Variants in C8B observed in about 807,000 individuals in gnomAD.
C8B encodes the protein complement C8 beta chain.
A neutral mutation model predicts 64.6 loss-of-function variants in C8B; 67 were observed. The ratio of observed to expected loss-of-function variants is 1.04; its 90% CI spans 0.85 to 1.27. C8B has a LOEUF of 1.27. Among genes scored for constraint, C8B ranks in the 50% most tolerant of loss-of-function variants. The pLI is 0.00. For missense variants in C8B, 790 were observed against 725.2 expected (o/e 1.09, Z -1.03); for synonymous variants, 284 against 257.7 (o/e 1.10, Z -0.98).
At chr1:56,947,184 C>A (rs1244644032) in intron 6 of C8B, among the ~76,000 whole-genome samples, 1 of 152,190 alleles carries the variant, frequency 6.6e-6, no homozygotes, top group African/African-American at 2.4e-5. Context: ...TGACCATGCT[C>A]CTCTTGGCTT....
At chr1:56,938,937 C>T (rs1040084921) in intron 9 of C8B, among the ~76,000 whole-genome samples, 2 of 152,062 alleles carry the variant, frequency 1.3e-5, no homozygotes, top group Non-Finnish European at 2.9e-5. Flanking sequence ...GTGTATATTT[C>T]CAACTCAGGG....
chr1:56,941,596 G>C (rs1422992435), intron 8 of C8B, among the ~76,000 whole-genome samples: 1 of 152,186 alleles, frequency 6.6e-6, no homozygotes, highest in Non-Finnish European at 1.5e-5. Context: ...TAGATAGAGA[G>C]AGAGATAGAC....
At chr1:56,951,382 G>A (rs1489692494) in intron 5 of C8B, among the ~76,000 whole-genome samples, 1 of 152,192 alleles carries the variant, frequency 6.6e-6, no homozygotes, top group Non-Finnish European at 1.5e-5. Flanking sequence ...CTGTGGCAGA[G>A]CCAGTCCTGG....
intron 5 of C8B, among the ~76,000 whole-genome samples, chr1:56,950,774 C>T (rs116022276): frequency 0.029 from 4,409 of 152,268 alleles, 194 homozygotes; most frequent in African/African-American, 0.1. Flanking sequence ...TTTCATCAGG[C>T]TTGTTCTGAG....
rs754054168 is a variant in C8B, at chr1:56,954,835, G to A, written c.392-8C>T. 3.7e-6 allele frequency: 6 copies of A among 1,614,006 alleles called. No individual in the cohort carries two copies. The highest frequency in any genetic ancestry group is 1.1e-5 in the South Asian group (1 of 91,088). On this transcript the variant is annotated splice_polypyrimidine_tract_variant and splice_region_variant and intron_variant, in intron 3 of 11. Coordinates refer to ENST00000371237, the MANE Select transcript of C8B (RefSeq NM_000066.4). ...TGCGGTTTACACACCTTCCTAGAAT[G>A]GAGAAAGAGTATTACCCACAGCCAC...
intron 8 of C8B, among the ~76,000 whole-genome samples, chr1:56,941,554 TAGAC>T (rs1350114600): frequency 6.7e-6 from 1 of 149,394 alleles, no homozygotes; most frequent in South Asian, 2.2e-4. Context: ...AGATAGATAA[TAGAC>T]AGACAGACAC....
At chr1:56,961,676 A>G (rs1465095179) in intron 1 of C8B, among the ~76,000 whole-genome samples, 3 of 152,182 alleles carry the variant, frequency 2.0e-5, no homozygotes, top group Admixed American at 2.0e-4. Flanking sequence ...AGTTTTCACC[A>G]TCTCATATAC....
intron 10 of C8B, among the ~76,000 whole-genome samples, chr1:56,932,711 T>C (rs975665108): frequency 3.3e-5 from 5 of 152,210 alleles, no homozygotes; most frequent in South Asian, 2.1e-4. Context: ...GGACCCTTTC[T>C]GCCTGAGAAT....
intron 11 of C8B, among the ~76,000 whole-genome samples, chr1:56,930,280 C>G (rs775457743): frequency 1.4e-4 from 21 of 152,314 alleles, no homozygotes; most frequent in Non-Finnish European, 1.3e-4. Context: ...TGACACTTGG[C>G]TTTCACTTGA....
In C8B at chr1:56,945,851, C is replaced by A; in HGVS notation, c.1075G>T (p.Val359Phe). 6.2e-7 allele frequency: 1 copy of A among 1,614,076 alleles called. No homozygotes were observed. The highest frequency in any genetic ancestry group is 1.3e-5 in the African/African-American group (1 of 75,018). ...VLGGIYEYTL[V>F]MNKEAMERGD... ...CTCTCCATGGCCTCTTTGTTCATAA[C>A]GAGGGTGTATTCATAAATGCCCCCA... is the stretch of plus-strand genomic sequence containing the variant. The change falls in exon 7 of 12, where the codon GTT becomes TTT. Residue 359 changes from valine (V) to phenylalanine (F), a missense_variant. Val to Phe is a conservative substitution (Grantham distance 50). Coordinates refer to ENST00000371237, the MANE Select transcript of C8B (RefSeq NM_000066.4).
intron 1 of C8B, among the ~76,000 whole-genome samples, chr1:56,965,516 T>C (rs1358627691): frequency 6.9e-6 from 1 of 144,032 alleles, no homozygotes; most frequent in Non-Finnish European, 1.5e-5. Context: ...AATCATTTCA[T>C]GAATTTGCTC....
chr1:56,943,201 T>C (rs1232297193), intron 8 of C8B, among the ~76,000 whole-genome samples: 1 of 152,146 alleles, frequency 6.6e-6, no homozygotes, highest in Non-Finnish European at 1.5e-5. Flanking sequence ...CACTATCTAG[T>C]CAAATAGAAA....
chr1:56,942,178 T>C (rs1557731900), intron 8 of C8B, among the ~76,000 whole-genome samples: 1 of 152,230 alleles, frequency 6.6e-6, no homozygotes, highest in Non-Finnish European at 1.5e-5. Context: ...TGAAGGTACT[T>C]ACCAGACGGC....
chr1:56,949,372 A>G (rs911030522), intron 6 of C8B, among the ~76,000 whole-genome samples, 183 bp downstream of exon 6: 1 of 152,242 alleles, frequency 6.6e-6, no homozygotes, highest in Middle Eastern at 3.4e-3. Context: ...CTACCATGTT[A>G]TGATGCAGCA....
At chr1:56,960,865 A>C (rs918187641) in intron 1 of C8B, among the ~76,000 whole-genome samples, 1 of 152,106 alleles carries the variant, frequency 6.6e-6, no homozygotes, top group African/African-American at 2.4e-5. Context: ...CGGGTGGGGC[A>C]TGCTGAGTTC....
At chr1:56,953,521 C>A (rs1645056433) in intron 4 of C8B, among the ~76,000 whole-genome samples, 1 of 152,178 alleles carries the variant, frequency 6.6e-6, no homozygotes, top group South Asian at 2.1e-4. Flanking sequence ...AGTCTCCCTG[C>A]CGGGAACAAT....
intron 2 of C8B, among the ~76,000 whole-genome samples, chr1:56,957,969 G>A (rs1645126187): frequency 6.6e-6 from 1 of 152,186 alleles, no homozygotes; most frequent in Admixed American, 6.5e-5. Flanking sequence ...TGACGAGAGT[G>A]GGGCTCAGAA....
Position 56,956,238 on chromosome 1 carries a change from T to C in C8B, c.391+531A>G, listed in dbSNP as rs958118082. Among the ~76,000 whole-genome samples, 12 of 152,198 alleles carry C rather than the reference T, an allele frequency of 7.9e-5. 1 individual carries two copies. The highest frequency in any genetic ancestry group is 1.5e-5 in the Non-Finnish European group (1 of 68,036). On this transcript the variant is annotated intron_variant, in intron 3 of 11. Transcript: ENST00000371237. ...GTCATATTCTACTTAACCCCAGACC[T>C]CTGAGAGAGCTAAGGGAGCCAACAG... is the stretch of plus-strand genomic sequence containing the variant.
At chr1:56,951,877 C>T (rs1645025004) in intron 5 of C8B, among the ~76,000 whole-genome samples, 171 bp downstream of exon 5, 1 of 152,224 alleles carries the variant, frequency 6.6e-6, no homozygotes, top group South Asian at 2.1e-4. Context: ...TTGCTATATA[C>T]AGCATGTCAT....
Sources: gnomAD v4.1 joint callset for allele counts (sites outside exome capture counted in the v4.1 genomes callset) on GRCh38, gnomAD v4.1.1 for gene constraint, MANE v1.5 for transcripts, NCBI Gene and HGNC (gene_info 2026-07-23, HGNC 2026-07-21) for gene names.